The following DNAH12 variants were observed in gnomAD, a reference collection of about 807,000 sequenced individuals.
The protein encoded by DNAH12 is axonemal beta dynein heavy chain 12.
A neutral mutation model predicts 371.5 loss-of-function variants in DNAH12; 285 were observed. The ratio of observed to expected loss-of-function variants is 0.77; its 90% confidence interval spans 0.70 to 0.85. The LOEUF (loss-of-function observed/expected upper bound fraction) is 0.85. Ranked by LOEUF, DNAH12 falls within the 40% of genes least tolerant of loss-of-function variation. The probability of loss-of-function intolerance (pLI) is 0.00; values close to 1 mark genes in which losing one functional copy is unlikely to be tolerated. For missense variants in DNAH12, 3,611 were observed against 3,689.4 expected, an observed-to-expected ratio of 0.98 and a Z score of 0.55; for synonymous variants, 1,200 against 1,213.0, an observed-to-expected ratio of 0.99 and a Z score of 0.22.
At chr3:57,420,259 T>C (rs1445962162) in intron 36 of DNAH12, among the ~76,000 whole-genome samples, 1 of 152,114 alleles carries the variant, frequency 6.6e-6, no homozygotes, top group Non-Finnish European at 1.5e-5. Flanking sequence ...GCCCTTCCAC[T>C]GTTAAGTAAA....
In DNAH12 at chr3:57,429,678, A is replaced by G; in HGVS notation, c.5064+13T>C. The G allele has an allele frequency of 6.6e-7, 1 of 1,524,582 alleles. No homozygotes were observed. Among genetic ancestry groups the G allele is most frequent in the Non-Finnish European group, 8.8e-7 (1 of 1,138,702 alleles). 94.4% of individuals were successfully genotyped at this position (1,524,582 alleles called of 1,614,324 possible). A position where few individuals can be genotyped will look rare whatever the true frequency, so the allele number is the denominator to read the frequency against. On this transcript the variant is annotated intron_variant, in intron 33 of 73. Coordinates refer to ENST00000495027, the MANE Select transcript of DNAH12 (RefSeq NM_001366028.2). The stretch of plus-strand genomic sequence containing the variant: ...AATGAACAAACCACCATTGTATTAA[A>G]TTATGAACTTACGGATGCCTGGGAA...
intron 40 of DNAH12, 83 bp downstream of exon 40, chr3:57,408,197 C>G: frequency 7.2e-7 from 1 of 1,387,274 alleles, no homozygotes; most frequent in Middle Eastern, 1.9e-4. Context: ...AAGACCAAAG[C>G]AGATAGCATC....
chr3:57,411,526 CAAAAAAAA>C (rs57344840), intron 39 of DNAH12, among the ~76,000 whole-genome samples: 46 of 39,142 alleles, frequency 1.2e-3, no homozygotes, highest in Middle Eastern at 0.029. Context: ...GACACTGTCT[CAAAAAAAA>C]AAAAAAAAAA....
At chr3:57,449,706 T>C (rs11130584) in intron 25 of DNAH12, among the ~76,000 whole-genome samples, 68,466 of 152,038 alleles carry the variant, frequency 0.45, 17,216 homozygotes, top group South Asian at 0.59. Flanking sequence ...GCACGCAGCC[T>C]TGGTTCCCGC....
intron 69 of DNAH12, among the ~76,000 whole-genome samples, chr3:57,307,008 C>A (rs1430895273): frequency 2.0e-5 from 3 of 152,166 alleles, no homozygotes; most frequent in Non-Finnish European, 4.4e-5. Flanking sequence ...ACCCTGACAC[C>A]CATCAGGCTC....
intron 49 of DNAH12, among the ~76,000 whole-genome samples, chr3:57,384,289 A>G (rs2063456478): frequency 6.6e-6 from 1 of 152,022 alleles, no homozygotes; most frequent in East Asian, 1.9e-4. Context: ...CTTGGAGTCT[A>G]TTCGTCTCAT....
chr3:57,356,523 T>C (rs1380515667), intron 59 of DNAH12, among the ~76,000 whole-genome samples: 1 of 151,294 alleles, frequency 6.6e-6, no homozygotes, highest in Non-Finnish European at 1.5e-5. Context: ...GACTGAAGCC[T>C]TTTAGAGACC....
rs142873700 is a variant in DNAH12, at chr3:57,431,797, T to G, written c.4980+1570A>C. On this transcript the variant is annotated intron_variant, in intron 32 of 73. Transcript: ENST00000495027. Reference sequence around the variant, plus strand: ...AGTGCTACCCAGAAGTGCTTCTATGTTTTCCTAGGTAGCTCTCTTTCCCAT... The same window carrying G: ...AGTGCTACCCAGAAGTGCTTCTATGGTTTCCTAGGTAGCTCTCTTTCCCAT... Among the ~76,000 whole-genome samples the G allele has an allele frequency of 3.9e-3, 597 of 152,266 alleles. 9 individuals carry two copies. The highest frequency in any genetic ancestry group is 0.036 in the Admixed American group (546 of 15,292).
At chr3:57,531,095 G>A (rs1279337155) in intron 2 of DNAH12, 1 of 152,114 alleles carries the variant, frequency 6.6e-6, no homozygotes, top group African/African-American at 2.4e-5. Flanking sequence ...TTTTTTCTCT[G>A]TACTTAATAT....
chr3:57,339,175 GCAGCATGCTCGTTAA>G (rs2062325240), intron 60 of DNAH12, among the ~76,000 whole-genome samples: 1 of 152,108 alleles, frequency 6.6e-6, no homozygotes, highest in South Asian at 2.1e-4. Context: ...ATGCTTGAAG[GCAGCATGCTCGTTAA>G]GAGTCATCAC....
chr3:57,544,162 G>A (rs973303983), intron 1 of DNAH12, 35 bp downstream of exon 1: 16 of 152,194 alleles, frequency 1.1e-4, no homozygotes, highest in African/African-American at 3.6e-4. Context: ...ACCTGCCCTG[G>A]GAGAGAAAGG....
At chr3:57,431,409 T>TA (rs1450829629) in intron 32 of DNAH12, among the ~76,000 whole-genome samples, 1 of 152,226 alleles carries the variant, frequency 6.6e-6, no homozygotes, top group Non-Finnish European at 1.5e-5. Flanking sequence ...CCACTTTATG[T>TA]ATCTGGGACC....
chr3:57,500,110 C>G (rs921605290), intron 11 of DNAH12, among the ~76,000 whole-genome samples: 16 of 151,326 alleles, frequency 1.1e-4, no homozygotes, highest in African/African-American at 3.9e-4. Flanking sequence ...GCATGAGCTC[C>G]GCTCACTGCA....
intron 62 of DNAH12, among the ~76,000 whole-genome samples, chr3:57,324,770 T>C (rs565350940): frequency 3.3e-5 from 5 of 152,298 alleles, no homozygotes; most frequent in South Asian, 2.1e-4. Flanking sequence ...GGGCGAGGCA[T>C]TGCCTCACTC....
intron 45 of DNAH12, among the ~76,000 whole-genome samples, chr3:57,388,462 T>A (rs1019642873): frequency 6.6e-6 from 1 of 152,190 alleles, no homozygotes; most frequent in African/African-American, 2.4e-5. Context: ...GACCATTTTT[T>A]TTTTGGTGTC....
intron 69 of DNAH12, 91 bp from the exon 70 acceptor site, chr3:57,302,030 C>G: frequency 7.3e-7 from 1 of 1,378,278 alleles, no homozygotes; most frequent in Non-Finnish European, 9.8e-7. Context: ...TCATTCCCAG[C>G]TTTATGGGAT....
intron 11 of DNAH12, chr3:57,498,339 A>C (rs2067387620): frequency 1.7e-6 from 1 of 588,090 alleles, no homozygotes; most frequent in African/African-American, 1.9e-5. Flanking sequence ...TTTTGAGACA[A>C]AGAGTTTTGC....
chr3:57,544,351 T>C (rs1358850307), upstream of DNAH12: 1 of 152,222 alleles, frequency 6.6e-6, no homozygotes, highest in South Asian at 2.1e-4. Flanking sequence ...GGGCGGTCGC[T>C]GACCGGTTGG....
intron 16 of DNAH12, among the ~76,000 whole-genome samples, chr3:57,469,582 G>A (rs993398016): frequency 6.6e-6 from 1 of 152,108 alleles, no homozygotes; most frequent in Non-Finnish European, 1.5e-5. Flanking sequence ...AGTCAACCTA[G>A]GTGCCCATCA....
Sources: gnomAD v4.1 joint callset for allele counts (sites outside exome capture counted in the v4.1 genomes callset) on GRCh38, gnomAD v4.1.1 for gene constraint, MANE v1.5 for transcripts, NCBI Gene and HGNC (gene_info 2026-07-23, HGNC 2026-07-21) for gene names.